PHYHD1: variants seen among roughly 807,000 people sequenced by gnomAD.
The protein encoded by PHYHD1 is phytanoyl-CoA dioxygenase domain containing 1, also known as phytanoyl-CoA dioxygenase domain-containing protein 1.
In PHYHD1, 42 loss-of-function variants were observed where a neutral mutation model predicts 43.6. The observed-to-expected ratio is 0.96, with a 90% CI of 0.75 to 1.25. The LOEUF is 1.25. Ranked by LOEUF, PHYHD1 falls within the 50% of genes most tolerant of loss-of-function variation. PHYHD1 has a pLI of 0.00. For synonymous variants in PHYHD1, 139 were observed against 143.6 expected (o/e 0.97, Z 0.23); for missense variants, 342 against 370.8 (o/e 0.92, Z 0.64).
chr9:128,941,712 A>G lies in PHYHD1; in HGVS notation c.875A>G (p.Ter292=). ...CTGCCCTTTCCCCAACTGTACACCT[A>G]AAGGCTCTCGCAGGGCAGGAGCCCT... ...AELPFPQLYT[*] Residue 292 remains the stop codon, a stop_retained_variant, in exon 13 of 13, where the codon TAA becomes TGA. Coordinates refer to ENST00000372592, the MANE Select transcript of PHYHD1 (RefSeq NM_001100876.2). 6.2e-7 allele frequency: 1 copy of G among 1,614,162 alleles called. No individual in the cohort carries two copies. Among genetic ancestry groups the G allele is most frequent in the Non-Finnish European group, 8.5e-7 (1 of 1,180,034 alleles).
At chr9:128,934,674 G>A (rs1377314163) in intron 6 of PHYHD1, among the ~76,000 whole-genome samples, 4 of 151,610 alleles carry the variant, frequency 2.6e-5, no homozygotes, top group African/African-American at 4.9e-5. Context: ...AGGCTGAAGC[G>A]GGAGAATAGC....
chr9:128,922,469 T>G, intron 3 of PHYHD1, 113 bp downstream of exon 3: 7 of 1,353,208 alleles, frequency 5.2e-6, no homozygotes, highest in Non-Finnish European at 7.0e-6. Context: ...AGGACGAAAC[T>G]GAAGCCCAGA....
intron 4 of PHYHD1, 118 bp downstream of exon 4, chr9:128,927,314 CT>C: frequency 8.2e-7 from 1 of 1,212,472 alleles, no homozygotes; most frequent in Non-Finnish European, 1.2e-6. Flanking sequence ...GGCCAAGCCC[CT>C]TACACACCTT....
chr9:128,931,358 G>A (rs1360729683), intron 4 of PHYHD1, among the ~76,000 whole-genome samples: 10 of 152,024 alleles, frequency 6.6e-5, no homozygotes, highest in South Asian at 2.1e-4. Context: ...TGATCCACCC[G>A]CCTTGGCCTC....
At chr9:128,937,822 C>A (rs1218595307) in intron 9 of PHYHD1, 44 bp downstream of exon 9, 1 of 1,613,792 alleles carries the variant, frequency 6.2e-7, no homozygotes, top group African/African-American at 1.3e-5. Flanking sequence ...ATGGGTGGGA[C>A]ATCTAAGACA....
chr9:128,941,335 T>A, intron 11 of PHYHD1, 110 bp from the exon 12 acceptor site: 1 of 1,433,506 alleles, frequency 7.0e-7, no homozygotes, highest in Non-Finnish European at 9.5e-7. Context: ...GGAATGGGGA[T>A]GGATGGGGGC....
intron 4 of PHYHD1, among the ~76,000 whole-genome samples, chr9:128,932,655 C>T (rs1588251107): frequency 1.5e-5 from 1 of 66,754 alleles, no homozygotes; most frequent in East Asian, 3.0e-4. Context: ...GTGTGAGCCA[C>T]TGCACCCAGC....
Position 128,932,175 on chromosome 9 carries a change from A to ATTT in PHYHD1, c.193-1605_193-1604insTTT, listed in dbSNP as rs1164525938. Among the ~76,000 whole-genome samples the ATTT allele has an allele frequency of 9.9e-4, 106 of 107,062 alleles. 1 individual carries two copies. Among genetic ancestry groups the ATTT allele is most frequent in the African/African-American group, 3.0e-3 (67 of 22,330 alleles). 70.2% of individuals were successfully genotyped at this position (107,062 alleles called of 152,430 possible). ...TATTATTATTATTATTATTGTTATTATTATTATTATTTTTTTTTTTTGAGA... is the reference window on the plus strand; with the variant it reads ...TATTATTATTATTATTATTGTTATTATTTTTATTATTATTTTTTTTTTTTGAGA... On this transcript the variant is annotated intron_variant, in intron 4 of 12. Transcript: ENST00000372592.
intron 3 of PHYHD1, among the ~76,000 whole-genome samples, chr9:128,924,840 C>A (rs957178675): frequency 3.3e-5 from 5 of 151,992 alleles, no homozygotes; most frequent in Admixed American, 2.0e-4. Flanking sequence ...GAGGCTGAGG[C>A]AGGAGAATCA....
intron 9 of PHYHD1, among the ~76,000 whole-genome samples, chr9:128,938,589 T>C (rs1405759080): frequency 6.6e-6 from 1 of 151,910 alleles, no homozygotes; most frequent in Non-Finnish European, 1.5e-5. Context: ...GCCCAGCTAA[T>C]TTTTTGTATT....
In PHYHD1 at chr9:128,934,031, G is replaced by C. The variant is rs1425864758; in HGVS notation, c.289G>C (p.Glu97Gln). 6.2e-7 allele frequency: 1 copy of C among 1,613,840 alleles called. No individual in the cohort carries two copies. The highest frequency in any genetic ancestry group is 1.7e-5 in the Admixed American group (1 of 59,962). ...DEKGNFLVPP[E>Q]KSINKIGHAL... ...CACAGGAAATTTCCTGGTCCCTCCG[G>C]AGAAATCCATCAACAAAATTGGCCA... Residue 97 changes from glutamate to glutamine, a missense_variant, in exon 6 of 13, where the codon GAG becomes CAG. Physicochemically the swap from Glu to Gln is conservative, Grantham distance 29. Coordinates refer to ENST00000372592, the MANE Select transcript of PHYHD1 (RefSeq NM_001100876.2).
intron 3 of PHYHD1, among the ~76,000 whole-genome samples, chr9:128,923,228 G>A (rs1156507879): frequency 6.6e-6 from 1 of 152,126 alleles, no homozygotes; most frequent in Non-Finnish European, 1.5e-5. Context: ...ACAGGCGTGA[G>A]CCACCGTGCC....
chr9:128,934,207 G>T (rs921890695), intron 6 of PHYHD1, 149 bp downstream of exon 6: 4 of 798,236 alleles, frequency 5.0e-6, no homozygotes, highest in Admixed American at 2.7e-5. Context: ...GGCCAACATG[G>T]TGAAACCCCA....
At chr9:128,941,296 G>A in intron 11 of PHYHD1, 149 bp from the exon 12 acceptor site, 3 of 1,009,376 alleles carry the variant, frequency 3.0e-6, no homozygotes, top group Admixed American at 4.3e-5. Flanking sequence ...CCCTGAGGGA[G>A]GCTGCAGATG....
chr9:128,941,360 A>G, intron 11 of PHYHD1, 85 bp from the exon 12 acceptor site: 5 of 1,550,708 alleles, frequency 3.2e-6, no homozygotes, highest in Non-Finnish European at 4.4e-6. Context: ...AAACCACTGG[A>G]AGGAGGAGGG....
chr9:128,932,994 C>T (rs1464272532), intron 4 of PHYHD1, among the ~76,000 whole-genome samples: 1 of 149,338 alleles, frequency 6.7e-6, no homozygotes, highest in Non-Finnish European at 1.5e-5. Context: ...ACTACAGGTG[C>T]CTGCCACCAT....
intron 4 of PHYHD1, among the ~76,000 whole-genome samples, chr9:128,930,997 G>A (rs1841262422): frequency 6.6e-6 from 1 of 151,400 alleles, no homozygotes; most frequent in African/African-American, 2.4e-5. Flanking sequence ...ATAAAATGGA[G>A]ATTATAGTAG....
chr9:128,933,630 ACTGT>A (rs1185119344), intron 4 of PHYHD1, 148 bp from the exon 5 acceptor site: 4 of 810,298 alleles, frequency 4.9e-6, no homozygotes, highest in African/African-American at 3.4e-5. Flanking sequence ...GTTCTGGCTC[ACTGT>A]CTGTGCCTCA....
intron 3 of PHYHD1, among the ~76,000 whole-genome samples, chr9:128,926,143 T>C (rs547461680): frequency 1.2e-4 from 18 of 152,322 alleles, no homozygotes; most frequent in African/African-American, 4.3e-4. Context: ...GCTCAATCAA[T>C]ATTGGCTGAA....
Sources: gnomAD v4.1 joint callset for allele counts (sites outside exome capture counted in the v4.1 genomes callset) on GRCh38, gnomAD v4.1.1 for gene constraint, MANE v1.5 for transcripts, NCBI Gene and HGNC (gene_info 2026-07-23, HGNC 2026-07-21) for gene names.